Variants in ATRN observed in about 807,000 individuals in gnomAD.
ATRN encodes the protein attractin.
ATRN carries 54 observed loss-of-function variants against 178.7 expected under a neutral mutation model. The observed-to-expected ratio is 0.30, with a 90% CI of 0.24 to 0.38. The LOEUF is 0.38. Among genes scored for constraint, ATRN ranks in the 10% least tolerant of loss-of-function variants. The pLI, the probability that ATRN is intolerant of heterozygous loss-of-function variation, is 1.00. For synonymous variants in ATRN, 636 were observed against 663.0 expected, an observed-to-expected ratio of 0.96 and a Z score of 0.63; for missense variants, 1,443 against 1,815.1, an observed-to-expected ratio of 0.79 and a Z score of 3.73.
At chr20:3,507,720 G>C (rs2085066383) in intron 1 of ATRN, among the ~76,000 whole-genome samples, 1 of 121,462 alleles carries the variant, frequency 8.2e-6, no homozygotes, top group African/African-American at 3.2e-5. Flanking sequence ...TTTTTTTTGA[G>C]ACAGAGTCTT....
chr20:3,650,738 C>A lies in ATRN; in HGVS notation c.*3891C>A, dbSNP rs2087140676. 6.6e-6 allele frequency: 1 copy of A among 152,562 alleles called. No homozygotes were observed. The highest frequency in any genetic ancestry group is 2.4e-5 in the African/African-American group (1 of 41,424). The allele number at this position is 152,562 out of a possible 1,614,324, so 9.5% of individuals were successfully genotyped here. On this transcript the variant is annotated 3_prime_UTR_variant, in exon 29 of 29. Transcript: ENST00000262919. ...TAACTGAATTTGTGCACAAAACATTCTAAACACTAGTGAAGCCTGTTTCGT... is the reference window on the plus strand; with the variant it reads ...TAACTGAATTTGTGCACAAAACATTATAAACACTAGTGAAGCCTGTTTCGT...
intron 1 of ATRN, among the ~76,000 whole-genome samples, chr20:3,511,582 T>C (rs1439065859): frequency 6.6e-6 from 1 of 152,208 alleles, no homozygotes; most frequent in Non-Finnish European, 1.5e-5. Flanking sequence ...TGTTTCTATT[T>C]AGACATTAAC....
chr20:3,529,943 C>T (rs1437795823), intron 1 of ATRN, among the ~76,000 whole-genome samples: 2 of 151,368 alleles, frequency 1.3e-5, no homozygotes, highest in Non-Finnish European at 2.9e-5. Flanking sequence ...AGTCCTGTTT[C>T]GAAGAAGCAA....
At chr20:3,562,206 T>A in intron 8 of ATRN, 70 bp from the exon 9 acceptor site, 1 of 1,331,532 alleles carries the variant, frequency 7.5e-7, no homozygotes. Context: ...TGCCCTAAGC[T>A]CTTTGGACAT....
At position 3,649,004 on chromosome 20, in the gene ATRN, G is replaced by C. The variant is rs1225450049; in HGVS notation, c.*2157G>C. On this transcript the variant is annotated 3_prime_UTR_variant, in exon 29 of 29. Transcript: ENST00000262919. The stretch of plus-strand genomic sequence containing the variant: ...CCATGACCCACAGCCATCTGGTTAT[G>C]TCTTATTTTTTTCCTAAAAGATAAT... 3.3e-5 allele frequency: 5 copies of C among 152,344 alleles called. No homozygotes were observed. The highest frequency in any genetic ancestry group is 1.2e-4 in the African/African-American group (5 of 41,588). The allele number at this position is 152,344 out of a possible 1,614,324, so 9.4% of individuals were successfully genotyped here. A position where few individuals can be genotyped will look rare whatever the true frequency, so the allele number is the denominator to read the frequency against.
At chr20:3,594,635 C>T in intron 20 of ATRN, 63 bp downstream of exon 20, 1 of 1,387,936 alleles carries the variant, frequency 7.2e-7, no homozygotes, top group Non-Finnish European at 9.9e-7. Context: ...GCCTGAACCC[C>T]ACCCTGAGAG....
chr20:3,515,739 C>A (rs1181482908), intron 1 of ATRN, among the ~76,000 whole-genome samples: 1 of 152,128 alleles, frequency 6.6e-6, no homozygotes, highest in Non-Finnish European at 1.5e-5. Context: ...GAGAATGCAA[C>A]AGCTCTTCTG....
chr20:3,615,174 A>G (rs1336360842), intron 24 of ATRN, among the ~76,000 whole-genome samples: 1 of 152,098 alleles, frequency 6.6e-6, no homozygotes, highest in Non-Finnish European at 1.5e-5. Flanking sequence ...TTGTGCTGTA[A>G]TTCTAGCACT....
chr20:3,552,972 A>G (rs1251511500), intron 6 of ATRN, among the ~76,000 whole-genome samples: 1 of 152,014 alleles, frequency 6.6e-6, no homozygotes, highest in African/African-American at 2.4e-5. Context: ...TCTTCGCCAT[A>G]TTCTGTTTGT....
chr20:3,549,696 C>T (rs2085759649), intron 6 of ATRN, among the ~76,000 whole-genome samples: 1 of 152,052 alleles, frequency 6.6e-6, no homozygotes, highest in South Asian at 2.1e-4. Context: ...GAAATTATAC[C>T]ATTGTCTACT....
chr20:3,601,246 T>C (rs1246870405), intron 23 of ATRN, among the ~76,000 whole-genome samples: 1 of 152,164 alleles, frequency 6.6e-6, no homozygotes, highest in Non-Finnish European at 1.5e-5. Flanking sequence ...CCTCTTAGAA[T>C]TGTTGTATAG....
intron 1 of ATRN, among the ~76,000 whole-genome samples, chr20:3,529,626 A>G (rs954118608): frequency 6.6e-6 from 1 of 152,216 alleles, no homozygotes; most frequent in Admixed American, 6.6e-5. Flanking sequence ...GATAAGATCA[A>G]TGTTTGAGGT....
intron 18 of ATRN, among the ~76,000 whole-genome samples, chr20:3,585,130 T>C (rs145835938): frequency 6.6e-6 from 1 of 152,264 alleles, no homozygotes; most frequent in East Asian, 1.9e-4. Context: ...AAGTGACCAC[T>C]CAGCAATGTG....
At chr20:3,640,633 A>G (rs1232490170) in intron 27 of ATRN, among the ~76,000 whole-genome samples, 1 of 152,262 alleles carries the variant, frequency 6.6e-6, no homozygotes, top group Non-Finnish European at 1.5e-5. Flanking sequence ...ATCACATACA[A>G]CATGGAGAAA....
chr20:3,626,305 C>T lies in ATRN; in HGVS notation c.3863+1733C>T, dbSNP rs1027864091. Reference sequence around the variant, plus strand: ...TCATTTTCCATTAGAATTTAGAAGACGTTATACTATTTTTTCTAGTGTCCA... The same window carrying T: ...TCATTTTCCATTAGAATTTAGAAGATGTTATACTATTTTTTCTAGTGTCCA... On this transcript the variant is annotated intron_variant, in intron 25 of 28. Transcript: ENST00000262919. Among the ~76,000 whole-genome samples the T allele has an allele frequency of 2.7e-5, 4 of 150,910 alleles. No individual in the cohort carries two copies. The East Asian group carries it at 5.8e-4, about 22-fold the overall frequency.
In ATRN at chr20:3,530,230, TAA is replaced by T. The variant is rs1491293437; in HGVS notation, c.411-5022_411-5021del. Among the ~76,000 whole-genome samples the T allele has an allele frequency of 5.4e-5, 8 of 147,576 alleles. No individual in the cohort carries two copies. In the East Asian group the frequency reaches 1.6e-3, roughly 29 times the overall value. ...ATGGTATGAGATTTATATATATATA[TAA>T]TATATATATTAAAAAATTATATATT... On this transcript the variant is annotated intron_variant, in intron 1 of 28. Transcript: ENST00000262919.
At chr20:3,587,670 C>T (rs2086376899) in intron 18 of ATRN, among the ~76,000 whole-genome samples, 1 of 152,092 alleles carries the variant, frequency 6.6e-6, no homozygotes, top group Non-Finnish European at 1.5e-5. Context: ...AAGTCCTCCA[C>T]CTTTGTTCTT....
intron 1 of ATRN, among the ~76,000 whole-genome samples, chr20:3,532,805 C>A (rs1283682156): frequency 6.6e-6 from 1 of 151,912 alleles, no homozygotes; most frequent in Non-Finnish European, 1.5e-5. Context: ...CTCTGTCGCC[C>A]AGGCTGGAGT....
intron 1 of ATRN, among the ~76,000 whole-genome samples, chr20:3,523,879 T>C (rs1451615089): frequency 6.6e-6 from 1 of 152,182 alleles, no homozygotes; most frequent in East Asian, 1.9e-4. Flanking sequence ...AGATATTTTG[T>C]CATCACCAGG....
Sources: allele counts gnomAD v4.1 joint callset (sites outside exome capture counted in the v4.1 genomes callset), GRCh38; gene constraint gnomAD v4.1.1; transcripts MANE v1.5; gene names NCBI Gene and HGNC (gene_info 2026-07-23, HGNC 2026-07-21).